Variants in DGKI observed in about 807,000 individuals in gnomAD.
DGKI encodes diacylglycerol kinase iota.
DGKI carries 55 observed loss-of-function variants against 147.5 expected under a neutral mutation model. That is an observed-to-expected ratio of 0.37 (90% confidence interval 0.30 to 0.47). DGKI has a LOEUF of 0.47. Among genes scored for constraint, DGKI ranks in the 20% least tolerant of loss-of-function variants. DGKI has a pLI of 1.00. For synonymous variants in DGKI, 469 were observed against 477.1 expected, an observed-to-expected ratio of 0.98 and a Z score of 0.22; for missense variants, 1,007 against 1,323.8, an observed-to-expected ratio of 0.76 and a Z score of 3.71.
intron 27 of DGKI, among the ~76,000 whole-genome samples, chr7:137,448,951 A>C (rs1813840275): frequency 6.6e-6 from 1 of 152,204 alleles, no homozygotes; most frequent in Non-Finnish European, 1.5e-5. Context: ...TAATAATTAA[A>C]AATCTATTAA....
At chr7:137,563,869 A>G (rs920545976) in intron 19 of DGKI, among the ~76,000 whole-genome samples, 1 of 152,086 alleles carries the variant, frequency 6.6e-6, no homozygotes, top group African/African-American at 2.4e-5. Flanking sequence ...TTCCTCCCCA[A>G]ATTATCTAAA....
chr7:137,748,631 A>AAC (rs1388752687), intron 1 of DGKI, among the ~76,000 whole-genome samples: 12 of 152,214 alleles, frequency 7.9e-5, no homozygotes, highest in Admixed American at 7.8e-4. Flanking sequence ...GGAAAAGAGG[A>AAC]AGCCATGGGG....
chr7:137,558,601 T>C (rs1327180632), intron 19 of DGKI, among the ~76,000 whole-genome samples: 2 of 140,274 alleles, frequency 1.4e-5, no homozygotes, highest in Non-Finnish European at 3.1e-5. Context: ...TAAAGCTCCA[T>C]GGTAAAACAT....
intron 21 of DGKI, among the ~76,000 whole-genome samples, chr7:137,490,214 G>T (rs1245178976): frequency 1.3e-5 from 2 of 152,172 alleles, no homozygotes; most frequent in African/African-American, 4.8e-5. Context: ...AGGATTTGCA[G>T]TCATCCACTG....
chr7:137,678,503 T>A (rs1823115004), intron 3 of DGKI, 54 bp downstream of exon 3: 1 of 1,554,614 alleles, frequency 6.4e-7, no homozygotes, highest in Non-Finnish European at 8.9e-7. Flanking sequence ...AGGTGACCCC[T>A]CTATTCATTC....
At chr7:137,620,509 G>A (rs577662762) in intron 7 of DGKI, among the ~76,000 whole-genome samples, 7 of 152,214 alleles carry the variant, frequency 4.6e-5, no homozygotes, top group African/African-American at 1.7e-4. Context: ...AAAGAAGCAT[G>A]ATGTCTCTTC....
chr7:137,828,867 T>C (rs948681963), intron 1 of DGKI, among the ~76,000 whole-genome samples: 1 of 152,198 alleles, frequency 6.6e-6, no homozygotes, highest in African/African-American at 2.4e-5. Context: ...TGATGGGAAC[T>C]GATGTTAAGA....
chr7:137,453,355 G>A (rs769424835), intron 27 of DGKI, among the ~76,000 whole-genome samples: 11 of 152,132 alleles, frequency 7.2e-5, no homozygotes, highest in Non-Finnish European at 1.2e-4. Context: ...ATGGATCTGT[G>A]TGACATCTTC....
rs745312844 is a variant in DGKI, at chr7:137,587,194, G to T, written c.1328C>A (p.Ser443Tyr). 1 of 1,612,362 alleles carries T rather than the reference G, an allele frequency of 6.2e-7. No individual in the cohort carries two copies. The highest frequency in any genetic ancestry group is 1.1e-5 in the South Asian group (1 of 90,844). ...GGDGTVGWILSILDELQLSPQ... is the reference protein window; with the variant it reads ...GGDGTVGWILYILDELQLSPQ... Reference sequence around the variant, plus strand: ...GCTCAGCTGCAGTTCATCCAGGATGGAAAGGATCCAGCCCACCTACAGGCG... The same window carrying T: ...GCTCAGCTGCAGTTCATCCAGGATGTAAAGGATCCAGCCCACCTACAGGCG... The change falls in exon 13 of 33, where the codon TCC (serine) becomes TAC (tyrosine). Residue 443 changes from serine (S) to tyrosine (Y), a missense_variant. Ser to Tyr is a moderately radical substitution (Grantham distance 144). Around this residue, in one of 5 missense-constraint regions of DGKI, gnomAD observed 224 missense variants for 382.7 expected, o/e 0.59. Transcript: ENST00000614521.
intron 32 of DGKI, 64 bp from the exon 33 acceptor site, chr7:137,391,400 A>C: frequency 8.4e-7 from 1 of 1,194,360 alleles, no homozygotes; most frequent in Non-Finnish European, 1.2e-6. Flanking sequence ...CTAGTCGTGA[A>C]ATACAAAAAC....
At chr7:137,825,875 G>A (rs1019580768) in intron 1 of DGKI, among the ~76,000 whole-genome samples, 1 of 152,160 alleles carries the variant, frequency 6.6e-6, no homozygotes, top group African/African-American at 2.4e-5. Context: ...AAAGAAAATT[G>A]TGGGACACAC....
intron 1 of DGKI, among the ~76,000 whole-genome samples, chr7:137,831,673 C>T (rs1563218247): frequency 6.6e-6 from 1 of 152,174 alleles, no homozygotes; most frequent in East Asian, 1.9e-4. Flanking sequence ...ATCATTCCAC[C>T]ACTGGCCCCT....
At chr7:137,428,496 C>G (rs978821017) in intron 28 of DGKI, among the ~76,000 whole-genome samples, 3 of 152,088 alleles carry the variant, frequency 2.0e-5, no homozygotes, top group Non-Finnish European at 4.4e-5. Context: ...TGGCACAAGA[C>G]AGGGATGCCC....
intron 28 of DGKI, among the ~76,000 whole-genome samples, chr7:137,431,282 G>C (rs1314243700): frequency 1.4e-5 from 2 of 142,508 alleles, no homozygotes; most frequent in Admixed American, 1.4e-4. Context: ...TGAAACAATT[G>C]TCTTCACTAG....
chr7:137,844,146 C>G (rs549831588), intron 1 of DGKI, among the ~76,000 whole-genome samples: 5 of 152,310 alleles, frequency 3.3e-5, no homozygotes, highest in Admixed American at 1.3e-4. Flanking sequence ...GCCAGCCCTG[C>G]TGCAGGAGTC....
At chr7:137,697,126 T>A (rs1823817738) in intron 1 of DGKI, among the ~76,000 whole-genome samples, 1 of 152,208 alleles carries the variant, frequency 6.6e-6, no homozygotes, top group Non-Finnish European at 1.5e-5. Flanking sequence ...CAATACATTT[T>A]GGTTGTTTAA....
At chr7:137,437,001 A>C (rs1352933540) in intron 28 of DGKI, among the ~76,000 whole-genome samples, 2 of 152,318 alleles carry the variant, frequency 1.3e-5, no homozygotes, top group East Asian at 3.9e-4. Flanking sequence ...AAATATCCAC[A>C]AAACAAGTAC....
chr7:137,651,303 G>C (rs1249300738), intron 5 of DGKI, among the ~76,000 whole-genome samples: 1 of 152,154 alleles, frequency 6.6e-6, no homozygotes, highest in African/African-American at 2.4e-5. Flanking sequence ...GCTGATAACA[G>C]AATTGGAGAC....
chr7:137,522,138 C>T (rs560041404), intron 20 of DGKI, among the ~76,000 whole-genome samples, 172 bp from the exon 21 acceptor site: 3 of 152,158 alleles, frequency 2.0e-5, no homozygotes, highest in Non-Finnish European at 4.4e-5. Flanking sequence ...GAGAACACTT[C>T]TCCAGAAACC....
Sources: allele counts gnomAD v4.1 joint callset (sites outside exome capture counted in the v4.1 genomes callset), GRCh38; gene constraint gnomAD v4.1.1; regional missense constraint gnomAD v4.1.1; transcripts MANE v1.5; gene names NCBI Gene and HGNC (gene_info 2026-07-23, HGNC 2026-07-21).